ABCB4: variants seen among roughly 807,000 people sequenced by gnomAD.
The protein encoded by ABCB4 is ATP binding cassette subfamily B member 4, also known as phosphatidylcholine translocator ABCB4.
A neutral mutation model predicts 145.7 loss-of-function variants in ABCB4; 76 were observed. The ratio of observed to expected loss-of-function variants is 0.52; its 90% confidence interval spans 0.43 to 0.63. The LOEUF (loss-of-function observed/expected upper bound fraction) is 0.63, where lower values mean the gene tolerates loss of function less well. Among genes scored for constraint, ABCB4 ranks in the 30% least tolerant of loss-of-function variants. The pLI is 0.00. For missense variants in ABCB4, 1,234 were observed against 1,553.1 expected, an observed-to-expected ratio of 0.79 and a Z score of 3.45; for synonymous variants, 517 against 566.8, an observed-to-expected ratio of 0.91 and a Z score of 1.25.
the ABCB4 span, among the ~76,000 whole-genome samples, chr7:87,391,346 C>T: frequency 6.6e-6 from 1 of 152,130 alleles, no homozygotes; most frequent in African/African-American, 2.4e-5. Context: ...ATCACGGGGG[C>T]CATCTTAGAG....
At chr7:87,374,517 T>G in the ABCB4 span, among the ~76,000 whole-genome samples, 8 of 151,960 alleles carry the variant, frequency 5.3e-5, no homozygotes, top group African/African-American at 1.9e-4. Flanking sequence ...AATTCAGAGT[T>G]TATGCTAGTA....
intron 21 of ABCB4, among the ~76,000 whole-genome samples, chr7:87,415,232 C>A (rs1171579802): frequency 4.6e-5 from 7 of 152,068 alleles, no homozygotes; most frequent in African/African-American, 1.7e-4. Flanking sequence ...GCCCAGTAAC[C>A]AACACCCTCA....
In ABCB4 at chr7:87,474,954, G is replaced by C. The variant is rs45597334; in HGVS notation, c.80+432C>G. On this transcript the variant is annotated intron_variant, in intron 2 of 27. Coordinates refer to ENST00000649586, the MANE Select transcript of ABCB4 (RefSeq NM_000443.4). ...ACATAACAGGGGATGGGCAGGAGGG[G>C]AGGGAGTTTTTGCTTCACTGCCCTT... is the stretch of plus-strand genomic sequence containing the variant. Among the ~76,000 whole-genome samples, 276 of 152,284 alleles carry C rather than the reference G, an allele frequency of 1.8e-3. 1 individual carries two copies. The highest frequency in any genetic ancestry group is 6.4e-3 in the African/African-American group (264 of 41,554).
At chr7:87,385,804 A>G in the ABCB4 span, among the ~76,000 whole-genome samples, 2 of 152,182 alleles carry the variant, frequency 1.3e-5, no homozygotes, top group East Asian at 3.8e-4. Flanking sequence ...GTATGATGTT[A>G]GCTCTGGATT....
Position 87,420,068 on chromosome 7 carries a change from G to A in ABCB4, c.2324C>T (p.Thr775Met), listed in dbSNP as rs148052192. ...SFFTFFLQGFTFGKAGEILTR... is the reference protein window; with the variant it reads ...SFFTFFLQGFMFGKAGEILTR... ...GAGGATCTCGCCAGCTTTCCCAAAC[G>A]TGAAACCCTGGTTGAGAAAAAAGGC... The change falls in exon 19 of 28, where the codon ACG becomes ATG. Residue 775 changes from threonine to methionine, a missense_variant. Transcript: ENST00000649586. The A allele has an allele frequency of 6.1e-4, 990 of 1,613,778 alleles. No individual in the cohort carries two copies. The highest frequency in any genetic ancestry group is 8.0e-4 in the Non-Finnish European group (940 of 1,179,900).
At chr7:87,375,831 C>T in the ABCB4 span, 22 of 1,613,254 alleles carry the variant, frequency 1.4e-5, no homozygotes, top group Admixed American at 1.3e-4. Flanking sequence ...CCTTTAGGCA[C>T]GAGAATATCT....
chr7:87,428,682 C>T (rs1018119230), intron 15 of ABCB4, among the ~76,000 whole-genome samples: 1 of 151,976 alleles, frequency 6.6e-6, no homozygotes, highest in African/African-American at 2.4e-5. Flanking sequence ...AACAACACAA[C>T]AGAAAAATAT....
the ABCB4 span, among the ~76,000 whole-genome samples, chr7:87,389,583 TG>T: frequency 2.1e-5 from 3 of 141,934 alleles, no homozygotes; most frequent in African/African-American, 8.0e-5. Context: ...TGAGAATACA[TG>T]GACACAGGAA....
rs1584662063 is a variant in ABCB4 at position 87,401,917 on chromosome 7, C to T, written c.*179G>A. On this transcript the variant is annotated 3_prime_UTR_variant, in exon 28 of 28. Coordinates refer to ENST00000649586, the MANE Select transcript of ABCB4 (RefSeq NM_000443.4). ...TTCAATACTTCATCAAGACAGGTGT[C>T]ACTTCTAACTCTCAAATTTCAAATG... The T allele has an allele frequency of 2.5e-6, 2 of 809,142 alleles. No individual in the cohort carries two copies. Among genetic ancestry groups the T allele is most frequent in the East Asian group, 5.4e-5 (2 of 37,356 alleles). The allele number at this position is 809,142 out of a possible 1,614,324, so 50.1% of individuals were successfully genotyped here.
At chr7:87,367,731 T>A in the ABCB4 span, among the ~76,000 whole-genome samples, 2 of 152,208 alleles carry the variant, frequency 1.3e-5, no homozygotes, top group African/African-American at 4.8e-5. Context: ...TCTCTGCTGC[T>A]TATCAGTTTT....
At chr7:87,450,771 T>G (rs1347217121) in intron 7 of ABCB4, among the ~76,000 whole-genome samples, 1 of 152,152 alleles carries the variant, frequency 6.6e-6, no homozygotes. Flanking sequence ...CTTCCAGACC[T>G]CCTCATGGGC....
intron 14 of ABCB4, among the ~76,000 whole-genome samples, chr7:87,434,184 C>T (rs975110721): frequency 4.0e-5 from 6 of 149,712 alleles, no homozygotes; most frequent in Admixed American, 2.0e-4. Flanking sequence ...CCTCGTGATC[C>T]GCCAGCCTCA....
the ABCB4 span, among the ~76,000 whole-genome samples, chr7:87,383,497 CTT>C: frequency 1.7e-3 from 221 of 130,414 alleles, no homozygotes; most frequent in Non-Finnish European, 1.9e-3. Context: ...ATGTATATCA[CTT>C]TTTTTTTTTT....
chr7:87,400,717 G>T (rs1455745980), downstream of ABCB4, among the ~76,000 whole-genome samples: 1 of 152,234 alleles, frequency 6.6e-6, no homozygotes, highest in African/African-American at 2.4e-5. Flanking sequence ...ATAAGGAAAT[G>T]CTCATTGGAA....
chr7:87,392,875 A>G, the ABCB4 span: 10 of 1,609,360 alleles, frequency 6.2e-6, no homozygotes, highest in African/African-American at 6.7e-5. Context: ...CTCTTTTTGT[A>G]TATTAAATGG....
intron 26 of ABCB4, among the ~76,000 whole-genome samples, chr7:87,404,670 G>T (rs1242353319): frequency 6.6e-6 from 1 of 152,036 alleles, no homozygotes; most frequent in Non-Finnish European, 1.5e-5. Flanking sequence ...TGAAAACTCA[G>T]CAGTAAAAGA....
At chr7:87,427,486 A>G (rs1562965823) in intron 15 of ABCB4, among the ~76,000 whole-genome samples, 1 of 152,032 alleles carries the variant, frequency 6.6e-6, no homozygotes, top group East Asian at 1.9e-4. Context: ...TTTAATGGGA[A>G]TGGGGGTGGG....
chr7:87,405,063 A>G (rs1808080674), intron 26 of ABCB4, among the ~76,000 whole-genome samples: 1 of 152,246 alleles, frequency 6.6e-6, no homozygotes, highest in South Asian at 2.1e-4. Context: ...AGAAACCTGT[A>G]TACAAGTATT....
chr7:87,416,197 C>G (rs957164993), intron 21 of ABCB4, among the ~76,000 whole-genome samples: 1 of 152,208 alleles, frequency 6.6e-6, no homozygotes, highest in African/African-American at 2.4e-5. Context: ...CATGCAGCGG[C>G]AGCTGATGCT....
Sources: gnomAD v4.1 joint callset for allele counts (sites outside exome capture counted in the v4.1 genomes callset) on GRCh38, gnomAD v4.1.1 for gene constraint, MANE v1.5 for transcripts, NCBI Gene and HGNC (gene_info 2026-07-23, HGNC 2026-07-21) for gene names.